Variants in EXOSC7 observed in about 807,000 individuals in gnomAD.
EXOSC7 encodes exosome component 7, also known as exosome complex component RRP42.
Under a neutral mutation model 34.3 loss-of-function variants are expected in EXOSC7, and 25 were observed. The ratio of observed to expected loss-of-function variants is 0.73; its 90% CI spans 0.53 to 1.02. EXOSC7 has a LOEUF of 1.02. Ranked by LOEUF, EXOSC7 falls within the 50% of genes least tolerant of loss-of-function variation. The pLI is 0.00. For missense variants in EXOSC7, 370 were observed against 368.5 expected (o/e 1.00, Z -0.03); for synonymous variants, 130 against 143.0 (o/e 0.91, Z 0.65).
At chr3:44,994,369 A>AT (rs202092789) in intron 3 of EXOSC7, among the ~76,000 whole-genome samples, 5,544 of 142,338 alleles carry the variant, frequency 0.039, 289 homozygotes, top group African/African-American at 0.13. Context: ...TCATGTAGGG[A>AT]TTTTTTTTTT....
At chr3:45,010,615 A>G (rs1275302306) in intron 7 of EXOSC7, among the ~76,000 whole-genome samples, 1 of 151,872 alleles carries the variant, frequency 6.6e-6, no homozygotes, top group African/African-American at 2.4e-5. Context: ...TCTGCTCTGT[A>G]GGGACTGATT....
intron 1 of EXOSC7, among the ~76,000 whole-genome samples, chr3:44,984,943 G>C (rs946929861): frequency 6.6e-6 from 1 of 152,238 alleles, no homozygotes; most frequent in Admixed American, 6.5e-5. Context: ...AGAGAGGGAA[G>C]GGGCTTGTCC....
chr3:44,982,805 G>A (rs1281818722), intron 1 of EXOSC7, among the ~76,000 whole-genome samples: 1 of 152,206 alleles, frequency 6.6e-6, no homozygotes, highest in Non-Finnish European at 1.5e-5. Context: ...GACACTGCAG[G>A]ATGCAGAGTT....
At chr3:45,003,364 T>G (rs1258412885) in intron 5 of EXOSC7, among the ~76,000 whole-genome samples, 1 of 140,522 alleles carries the variant, frequency 7.1e-6, no homozygotes, top group East Asian at 2.2e-4. Flanking sequence ...TGTGTGTGTA[T>G]GTGTGTGTGT....
intron 1 of EXOSC7, among the ~76,000 whole-genome samples, chr3:44,978,773 T>G (rs1237042301): frequency 6.6e-6 from 1 of 152,090 alleles, no homozygotes; most frequent in African/African-American, 2.4e-5. Flanking sequence ...AAGATCAGCT[T>G]GCAGAGGTGG....
In EXOSC7 at chr3:45,005,390, C is replaced by A. The variant is rs1707006330; in HGVS notation, c.591C>A (p.Val197=). ...YDCIRLSVEN[V]PCIVTLCKIG... ...GCATACGACTAAGTGTGGAGAATGT[C>A]CCCTGCATTGTCACTCTGTGCAAGG... Residue 197 remains valine (V), a synonymous_variant, in exon 6 of 8, where the codon GTC becomes GTA. Coordinates refer to ENST00000265564, the MANE Select transcript of EXOSC7 (RefSeq NM_015004.4). 5 of 1,614,096 alleles carry A rather than the reference C, an allele frequency of 3.1e-6. No homozygotes were observed. The highest frequency in any genetic ancestry group is 4.2e-6 in the Non-Finnish European group (5 of 1,179,976).
intron 4 of EXOSC7, 60 bp downstream of exon 4, chr3:44,997,312 T>TA (rs1706750071): frequency 4.6e-6 from 7 of 1,513,494 alleles, no homozygotes; most frequent in East Asian, 2.3e-5. Context: ...CTAGTTGGCC[T>TA]ATTTTCCTTC....
At chr3:45,009,443 CTTG>C (rs1228062030) in intron 7 of EXOSC7, among the ~76,000 whole-genome samples, 3 of 152,194 alleles carry the variant, frequency 2.0e-5, no homozygotes, top group South Asian at 2.1e-4. Flanking sequence ...CTCATCTCCT[CTTG>C]TTGTCCTCTC....
At chr3:45,003,833 A>G (rs757405971) in intron 5 of EXOSC7, among the ~76,000 whole-genome samples, 22 of 152,216 alleles carry the variant, frequency 1.4e-4, no homozygotes, top group Non-Finnish European at 2.6e-4. Flanking sequence ...AAATGGTATC[A>G]TATACTATGT....
At chr3:44,985,731 C>T (rs1433908343) in intron 1 of EXOSC7, among the ~76,000 whole-genome samples, 4 of 152,146 alleles carry the variant, frequency 2.6e-5, no homozygotes, top group East Asian at 1.9e-4. Flanking sequence ...GGGACCCAAG[C>T]GGGTTGCCAC....
rs571631529 is a variant in EXOSC7 at position 44,979,279 on chromosome 3, C to T, written c.57+2945C>T. ...CGTTGGTTATAGAGTGCCGGCAGTGCACCTTAAGCAGTGCCTGCCTGAACT... is the reference window on the plus strand; with the variant it reads ...CGTTGGTTATAGAGTGCCGGCAGTGTACCTTAAGCAGTGCCTGCCTGAACT... On this transcript the variant is annotated intron_variant, in intron 1 of 7. Transcript: ENST00000265564. Among the ~76,000 whole-genome samples, 7 of 152,324 alleles carry T rather than the reference C, an allele frequency of 4.6e-5. No individual in the cohort carries two copies. In the South Asian group the frequency reaches 1.5e-3, roughly 32 times the overall value.
At chr3:45,008,113 A>G (rs1454383212) in intron 7 of EXOSC7, among the ~76,000 whole-genome samples, 3 of 152,222 alleles carry the variant, frequency 2.0e-5, no homozygotes, top group South Asian at 4.1e-4. Flanking sequence ...AGAGCCATCA[A>G]GGCGCTTCTA....
At chr3:44,982,185 T>G (rs899405819) in intron 1 of EXOSC7, among the ~76,000 whole-genome samples, 3 of 152,224 alleles carry the variant, frequency 2.0e-5, no homozygotes, top group African/African-American at 7.2e-5. Context: ...TTTAACTCCT[T>G]TCTTCTCTCA....
intron 4 of EXOSC7, among the ~76,000 whole-genome samples, chr3:45,001,129 C>T (rs1042459534): frequency 1.3e-5 from 2 of 151,882 alleles, no homozygotes; most frequent in Admixed American, 6.6e-5. Context: ...TGTCCTTGAC[C>T]ACAGAATAGA....
chr3:45,001,742 A>G, intron 5 of EXOSC7, 134 bp downstream of exon 5: 1 of 669,870 alleles, frequency 1.5e-6, no homozygotes, highest in Non-Finnish European at 2.7e-6. Flanking sequence ...AAATGGTGAC[A>G]TCTAACGTTA....
At chr3:45,006,128 A>G (rs1402303146) in intron 6 of EXOSC7, among the ~76,000 whole-genome samples, 3 of 113,848 alleles carry the variant, frequency 2.6e-5, no homozygotes, top group African/African-American at 1.0e-4. Context: ...CCCAGGCTGG[A>G]GTGCAATGGC....
At chr3:44,985,011 A>G (rs566485910) in intron 1 of EXOSC7, among the ~76,000 whole-genome samples, 20 of 152,350 alleles carry the variant, frequency 1.3e-4, no homozygotes, top group Admixed American at 5.2e-4. Flanking sequence ...TCATGTTCCT[A>G]ATGATTGTTC....
intron 1 of EXOSC7, among the ~76,000 whole-genome samples, chr3:44,981,223 T>C (rs1465292399): frequency 6.6e-6 from 1 of 152,180 alleles, no homozygotes; most frequent in African/African-American, 2.4e-5. Context: ...GATAAAGAAA[T>C]CTCTGCTCTC....
chr3:45,005,330 G>A lies in EXOSC7; in HGVS notation c.531G>A (p.Ser177=), dbSNP rs773602045. 1.4e-5 allele frequency: 22 copies of A among 1,613,982 alleles called. No homozygotes were observed. Among genetic ancestry groups the A allele is most frequent in the Non-Finnish European group, 1.4e-5 (17 of 1,179,962 alleles). ...RVRVLEDEEG[S]KDIELSDDPY... ...GAGTTTTGGAGGATGAAGAGGGGTC[G>A]AAGGACATTGAATTGTCAGATGACC... The change falls in exon 6 of 8, where the codon TCG becomes TCA. Residue 177 remains serine, a synonymous_variant. Coordinates refer to ENST00000265564, the MANE Select transcript of EXOSC7 (RefSeq NM_015004.4).
Sources: gnomAD v4.1 joint callset for allele counts (sites outside exome capture counted in the v4.1 genomes callset) on GRCh38, gnomAD v4.1.1 for gene constraint, MANE v1.5 for transcripts, NCBI Gene and HGNC (gene_info 2026-07-23, HGNC 2026-07-21) for gene names.